TNRC6B: variants seen among roughly 807,000 people sequenced by gnomAD.
TNRC6B encodes trinucleotide repeat containing adaptor 6B, also known as trinucleotide repeat-containing gene 6B protein.
In TNRC6B, 52 loss-of-function variants were observed where a neutral mutation model predicts 203.6. That is an observed-to-expected ratio of 0.26 (90% confidence interval 0.20 to 0.32). The LOEUF (loss-of-function observed/expected upper bound fraction) is 0.32, where lower values mean the gene tolerates loss of function less well. Ranked by LOEUF, TNRC6B falls within the 10% of genes least tolerant of loss-of-function variation. TNRC6B has a pLI of 1.00. For missense variants in TNRC6B, 1,923 were observed against 2,286.2 expected, an observed-to-expected ratio of 0.84 and a Z score of 3.24; for synonymous variants, 838 against 845.7, an observed-to-expected ratio of 0.99 and a Z score of 0.16.
At chr22:40,106,016 A>G (rs770369932) in intron 1 of TNRC6B, among the ~76,000 whole-genome samples, 3 of 152,084 alleles carry the variant, frequency 2.0e-5, no homozygotes, top group Non-Finnish European at 4.4e-5. Flanking sequence ...CATCAACCTT[A>G]CTTACTACTG....
chr22:40,300,433 T>C (rs1003862478), intron 12 of TNRC6B, 22 bp from the exon 13 acceptor site: 2 of 1,526,104 alleles, frequency 1.3e-6, no homozygotes, highest in South Asian at 1.3e-5. Context: ...TTCTTTTCTT[T>C]CTTTTTTATT....
At chr22:40,264,629 G>C (rs1220456527) in intron 4 of TNRC6B, 59 bp from the exon 5 acceptor site, 9 of 1,510,628 alleles carry the variant, frequency 6.0e-6, no homozygotes, top group Admixed American at 2.3e-5. Flanking sequence ...CCCCTTTGAG[G>C]GATTAATGGG....
At chr22:40,237,577 T>G (rs2069964738) in intron 1 of TNRC6B, among the ~76,000 whole-genome samples, 1 of 152,062 alleles carries the variant, frequency 6.6e-6, no homozygotes, top group East Asian at 1.9e-4. Flanking sequence ...AAGGTGTGGG[T>G]GTGTGTCTGG....
At chr22:40,071,774 G>GT (rs1278949941) in intron 1 of TNRC6B, among the ~76,000 whole-genome samples, 1 of 152,142 alleles carries the variant, frequency 6.6e-6, no homozygotes, top group Non-Finnish European at 1.5e-5. Context: ...TTATGGAGAT[G>GT]GCCTTTTCTG....
chr22:40,326,641 A>G lies in TNRC6B; in HGVS notation c.*3400A>G, dbSNP rs912498033. 1 of 152,606 alleles carries G rather than the reference A, an allele frequency of 6.6e-6. No individual in the cohort carries two copies. Among genetic ancestry groups the G allele is most frequent in the Non-Finnish European group, 1.5e-5 (1 of 68,032 alleles). 9.5% of individuals were successfully genotyped at this position (152,606 alleles called of 1,614,324 possible). On this transcript the variant is annotated 3_prime_UTR_variant, in exon 23 of 23. Coordinates refer to ENST00000454349, the MANE Select transcript of TNRC6B (RefSeq NM_001162501.2). ...TCTCCTTGTCCCCACAACCCCAGCA[A>G]CAAAAGAAAGGAAGGAAGGAAGAAA...
At chr22:40,273,629 C>T (rs1296258165) in intron 7 of TNRC6B, 29 bp downstream of exon 7, 1 of 1,532,300 alleles carries the variant, frequency 6.5e-7, no homozygotes, top group East Asian at 2.4e-5. Flanking sequence ...TTCGCACTTG[C>T]TCATTCGCTC....
At chr22:40,098,467 G>T (rs2068204552) in intron 1 of TNRC6B, among the ~76,000 whole-genome samples, 1 of 142,042 alleles carries the variant, frequency 7.0e-6, no homozygotes, top group African/African-American at 2.7e-5. Flanking sequence ...TTGTCATATT[G>T]TGCTGTAGAA....
intron 1 of TNRC6B, among the ~76,000 whole-genome samples, chr22:40,239,193 A>T (rs979310620): frequency 1.3e-5 from 2 of 150,594 alleles, no homozygotes; most frequent in Non-Finnish European, 3.0e-5. Context: ...ACAGAGCAAG[A>T]CTCCATCTCA....
rs1233319369 is a variant in TNRC6B, at chr22:40,332,663, AAACAAAAAAAAC to A, written c.*9433_*9444del. On this transcript the variant is annotated 3_prime_UTR_variant, in exon 23 of 23. Transcript: ENST00000454349. Reference sequence around the variant, plus strand: ...GGTTCCAATCTGTTAGATTGCCTTTAAACAAAAAAAACAACAAAAAAATAAAATCCTGACGTT... The same window carrying A: ...GGTTCCAATCTGTTAGATTGCCTTTAAACAAAAAAATAAAATCCTGACGTT... 1 of 152,576 alleles carries A rather than the reference AAACAAAAAAAAC, an allele frequency of 6.6e-6. No individual in the cohort carries two copies. The highest frequency in any genetic ancestry group is 1.9e-4 in the East Asian group (1 of 5,174). The allele number at this position is 152,576 out of a possible 1,614,324, so 9.5% of individuals were successfully genotyped here.
intron 4 of TNRC6B, among the ~76,000 whole-genome samples, chr22:40,160,015 G>A (rs938492879): frequency 1.4e-4 from 21 of 152,152 alleles, no homozygotes; most frequent in African/African-American, 4.3e-4. Context: ...GAGGTCTCAC[G>A]TTGTTGCCCA....
intron 3 of TNRC6B, among the ~76,000 whole-genome samples, chr22:40,148,778 G>C (rs1013671437): frequency 4.7e-5 from 7 of 149,486 alleles, no homozygotes. Flanking sequence ...AGTATGACTG[G>C]TGTTCATATT....
intron 1 of TNRC6B, among the ~76,000 whole-genome samples, chr22:40,224,917 G>T (rs1569028109): frequency 6.6e-6 from 1 of 152,232 alleles, no homozygotes; most frequent in African/African-American, 2.4e-5. Context: ...GCTTGATGTG[G>T]AGGAGGAGGT....
In TNRC6B at chr22:40,058,486, A is replaced by C. The variant is rs573311894; in HGVS notation, c.-121+13488A>C. Among the ~76,000 whole-genome samples the C allele has an allele frequency of 2.0e-3, 302 of 152,248 alleles. 1 individual carries two copies. Among genetic ancestry groups the C allele is most frequent in the Admixed American group, 2.2e-3 (34 of 15,294 alleles). ...CCAGCCTGCGCTTCCTGAACTGGCC[A>C]GAGCCGGGACTCAACCGATGCAGCA... On this transcript the variant is annotated intron_variant, in intron 1 of 23. Coordinates refer to the TNRC6B transcript ENST00000301923.
chr22:40,301,675 G>A (rs145338041), intron 15 of TNRC6B, among the ~76,000 whole-genome samples: 31 of 152,242 alleles, frequency 2.0e-4, no homozygotes, highest in African/African-American at 7.0e-4. Flanking sequence ...CCCTTTCTAA[G>A]GCTGGGTAAT....
intron 15 of TNRC6B, among the ~76,000 whole-genome samples, chr22:40,306,837 A>C (rs2071092685): frequency 6.6e-6 from 1 of 152,106 alleles, no homozygotes; most frequent in African/African-American, 2.4e-5. Context: ...AATACAAAAA[A>C]TTAGCTGGGC....
intron 4 of TNRC6B, among the ~76,000 whole-genome samples, chr22:40,165,756 G>A (rs1213399315): frequency 6.6e-6 from 1 of 152,100 alleles, no homozygotes; most frequent in Non-Finnish European, 1.5e-5. Context: ...TGAGCAATGG[G>A]GGGGAAAGCT....
At chr22:40,183,437 A>G (rs1819634413) in intron 1 of TNRC6B, among the ~76,000 whole-genome samples, 1 of 152,068 alleles carries the variant, frequency 6.6e-6, no homozygotes, top group African/African-American at 2.4e-5. Flanking sequence ...AAGTCCCTAC[A>G]TTCCTGTGGT....
intron 1 of TNRC6B, among the ~76,000 whole-genome samples, chr22:40,245,483 T>C (rs1241371985): frequency 6.6e-6 from 1 of 151,920 alleles, no homozygotes; most frequent in East Asian, 1.9e-4. Flanking sequence ...ATAGAAAATA[T>C]ATAAAACATA....
At chr22:40,213,998 T>C (rs1287919189) in intron 1 of TNRC6B, among the ~76,000 whole-genome samples, 1 of 152,156 alleles carries the variant, frequency 6.6e-6, no homozygotes, top group Non-Finnish European at 1.5e-5. Context: ...CTGGGCACGG[T>C]GGCTCACGCT....
Sources: allele counts gnomAD v4.1 joint callset (sites outside exome capture counted in the v4.1 genomes callset), GRCh38; gene constraint gnomAD v4.1.1; transcripts MANE v1.5; gene names NCBI Gene and HGNC (gene_info 2026-07-23, HGNC 2026-07-21).